Variants in PIGK observed in about 807,000 individuals in gnomAD.
PIGK encodes the protein GPI-anchor transamidase.
Under a neutral mutation model 50.6 loss-of-function variants are expected in PIGK, and 42 were observed. That is an observed-to-expected ratio of 0.83 (90% CI 0.65 to 1.07). The LOEUF (loss-of-function observed/expected upper bound fraction) is 1.07, where lower values mean the gene tolerates loss of function less well. PIGK is among the 50% of genes least tolerant of loss of function. PIGK has a pLI of 0.00. For missense variants in PIGK, 448 were observed against 488.7 expected (o/e 0.92, Z 0.78); for synonymous variants, 151 against 156.0 (o/e 0.97, Z 0.24).
chr1:77,142,568 T>A (rs1363445271), intron 9 of PIGK, among the ~76,000 whole-genome samples: 1 of 152,098 alleles, frequency 6.6e-6, no homozygotes, highest in African/African-American at 2.4e-5. Flanking sequence ...GCATTTTAAT[T>A]GACTCACACT....
chr1:77,182,727 C>T (rs1655649055), intron 3 of PIGK, among the ~76,000 whole-genome samples: 3 of 152,156 alleles, frequency 2.0e-5, no homozygotes, highest in Admixed American at 1.3e-4. Flanking sequence ...TATGATCAGT[C>T]CCCAAAATGC....
chr1:77,167,702 G>T (rs1655265946), intron 4 of PIGK, among the ~76,000 whole-genome samples: 1 of 152,198 alleles, frequency 6.6e-6, no homozygotes, highest in Non-Finnish European at 1.5e-5. Flanking sequence ...CTATGACATG[G>T]CCACTATACT....
chr1:77,212,204 T>G (rs556038125), intron 1 of PIGK, among the ~76,000 whole-genome samples: 3 of 152,130 alleles, frequency 2.0e-5, no homozygotes, highest in Non-Finnish European at 4.4e-5. Context: ...TAATAGTGGA[T>G]ATAAGCCATA....
chr1:77,194,409 G>C (rs2100578137), intron 3 of PIGK, among the ~76,000 whole-genome samples: 1 of 152,118 alleles, frequency 6.6e-6, no homozygotes, highest in South Asian at 2.1e-4. Context: ...ATAGTGGATT[G>C]GATAAAGAAA....
intron 10 of PIGK, among the ~76,000 whole-genome samples, chr1:77,096,909 T>TG (rs1469394163): frequency 2.0e-5 from 3 of 151,508 alleles, no homozygotes; most frequent in African/African-American, 7.3e-5. Flanking sequence ...TTTTTTTGTT[T>TG]TTTTGTTTTG....
rs141794582 is a variant in PIGK at position 77,159,168 on chromosome 1, C to A, written c.813+2127G>T. On this transcript the variant is annotated intron_variant, in intron 8 of 10. Transcript: ENST00000370812. ...GCTGTGGCTAAAATGGGCCAAAGTA[C>A]ATCTTGGCCCATAGCTTCAGAGGGT... Among the ~76,000 whole-genome samples the A allele has an allele frequency of 3.5e-4, 54 of 152,258 alleles. 1 individual carries two copies. In the East Asian group the frequency reaches 0.01, roughly 30 times the overall value.
intron 9 of PIGK, among the ~76,000 whole-genome samples, chr1:77,146,322 A>C (rs1042209357): frequency 6.6e-6 from 1 of 152,190 alleles, no homozygotes; most frequent in East Asian, 1.9e-4. Flanking sequence ...AGAAAAAATA[A>C]GTGGATTTCA....
chr1:77,141,608 C>T (rs1027031244), intron 9 of PIGK, among the ~76,000 whole-genome samples: 5 of 152,100 alleles, frequency 3.3e-5, no homozygotes, highest in Admixed American at 3.3e-4. Context: ...GAGCATAATA[C>T]AGCTCGTCAA....
intron 1 of PIGK, among the ~76,000 whole-genome samples, chr1:77,214,944 G>T (rs1656517882): frequency 6.6e-6 from 1 of 151,974 alleles, no homozygotes; most frequent in African/African-American, 2.4e-5. Flanking sequence ...ATTTAACCAA[G>T]AAGTGAAAAA....
At chr1:77,188,443 G>A (rs920395957) in intron 3 of PIGK, among the ~76,000 whole-genome samples, 2 of 152,100 alleles carry the variant, frequency 1.3e-5, no homozygotes, top group African/African-American at 2.4e-5. Flanking sequence ...AATAAATTTT[G>A]GTCAGACCGG....
intron 9 of PIGK, among the ~76,000 whole-genome samples, chr1:77,130,599 T>TCATCAC (rs1654351885): frequency 6.6e-6 from 1 of 152,170 alleles, no homozygotes; most frequent in Non-Finnish European, 1.5e-5. Flanking sequence ...ATTATCTGAA[T>TCATCAC]CATCACAACT....
rs1392165697 is a variant in PIGK at position 77,117,875 on chromosome 1, A to ATGT, written c.1071+4399_1071+4400insACA. ...TGTCATGCTTAACTAATTTATAAAC[A>ATGT]TACTTGCAAATGTTGGTACCAATTA... is the stretch of plus-strand genomic sequence containing the variant. On this transcript the variant is annotated intron_variant, in intron 10 of 10. Coordinates refer to ENST00000370812, the MANE Select transcript of PIGK (RefSeq NM_005482.3). Among the ~76,000 whole-genome samples, 260 of 152,332 alleles carry ATGT rather than the reference A, an allele frequency of 1.7e-3. 2 individuals carry two copies. Among genetic ancestry groups the ATGT allele is most frequent in the Middle Eastern group, 3.4e-3 (1 of 294 alleles).
chr1:77,130,178 GTT>G (rs889131401), intron 9 of PIGK, among the ~76,000 whole-genome samples: 2 of 119,592 alleles, frequency 1.7e-5, no homozygotes, highest in African/African-American at 6.7e-5. Flanking sequence ...TTTTAACTTT[GTT>G]TGCATTGTCT....
At chr1:77,178,555 A>G (rs1655536800) in intron 3 of PIGK, among the ~76,000 whole-genome samples, 1 of 152,034 alleles carries the variant, frequency 6.6e-6, no homozygotes, top group African/African-American at 2.4e-5. Flanking sequence ...ATAGAGATTC[A>G]GTTTTAGGGC....
intron 10 of PIGK, among the ~76,000 whole-genome samples, chr1:77,105,977 A>T (rs1653660799): frequency 6.6e-6 from 1 of 152,240 alleles, no homozygotes; most frequent in Admixed American, 6.5e-5. Flanking sequence ...GAAAAACTAA[A>T]AATCTTAATC....
At chr1:77,195,209 G>C (rs1656004803) in intron 3 of PIGK, 1 of 1,201,670 alleles carries the variant, frequency 8.3e-7, no homozygotes. Context: ...GATGAGAAAG[G>C]TGCTGGACTT....
rs114964941 is a variant in PIGK, at chr1:77,121,534, T to C, written c.1071+741A>G. On this transcript the variant is annotated intron_variant, in intron 10 of 10. Coordinates refer to ENST00000370812, the MANE Select transcript of PIGK (RefSeq NM_005482.3). ...AAAAGGCATATGGAAAAACTCACAA[T>C]AACAATCAACATTCATAACAATTCT... 8.6e-3 allele frequency among the ~76,000 whole-genome samples: 1,314 copies of C among 152,174 alleles called. 7 individuals are homozygous for C. Among genetic ancestry groups the C allele is most frequent in the Non-Finnish European group, 0.014 (942 of 68,008 alleles).
chr1:77,115,126 A>C (rs1653932575), intron 10 of PIGK, among the ~76,000 whole-genome samples: 1 of 152,236 alleles, frequency 6.6e-6, no homozygotes, highest in Admixed American at 6.5e-5. Context: ...AAATTGCAAC[A>C]GTGGAACAAC....
At chr1:77,151,954 T>A (rs1000520513) in intron 9 of PIGK, among the ~76,000 whole-genome samples, 3 of 152,210 alleles carry the variant, frequency 2.0e-5, no homozygotes, top group Admixed American at 1.3e-4. Flanking sequence ...TATGCAATAA[T>A]CTCTATCAAA....
Sources: allele counts gnomAD v4.1 joint callset (sites outside exome capture counted in the v4.1 genomes callset), GRCh38; gene constraint gnomAD v4.1.1; transcripts MANE v1.5; gene names NCBI Gene and HGNC (gene_info 2026-07-23, HGNC 2026-07-21).